Variants in SLIT3 observed in about 807,000 individuals in gnomAD.
The protein encoded by SLIT3 is slit guidance ligand 3, also known as slit homolog 3 protein.
SLIT3 carries 68 observed loss-of-function variants against 184.0 expected under a neutral mutation model. That is an observed-to-expected ratio of 0.37 (90% CI 0.30 to 0.45). The LOEUF (loss-of-function observed/expected upper bound fraction) is 0.45, where lower values mean the gene tolerates loss of function less well. Ranked by LOEUF, SLIT3 falls within the 20% of genes least tolerant of loss-of-function variation. The probability of loss-of-function intolerance (pLI) is 1.00; values close to 1 mark genes in which losing one functional copy is unlikely to be tolerated. For missense variants in SLIT3, 1,707 were observed against 2,026.0 expected, an observed-to-expected ratio of 0.84 and a Z score of 3.02; for synonymous variants, 831 against 828.6, an observed-to-expected ratio of 1.00 and a Z score of -0.05.
At chr5:169,246,349 T>C (rs1347705323) in intron 2 of SLIT3, among the ~76,000 whole-genome samples, 1 of 152,180 alleles carries the variant, frequency 6.6e-6, no homozygotes, top group Non-Finnish European at 1.5e-5. Flanking sequence ...GCTAAAAGAC[T>C]TGCTCGAGGA....
At chr5:168,680,637 A>C (rs1312113363) in intron 32 of SLIT3, among the ~76,000 whole-genome samples, 1 of 152,022 alleles carries the variant, frequency 6.6e-6, no homozygotes, top group Non-Finnish European at 1.5e-5. Flanking sequence ...AGGAGATCTC[A>C]TTTTTTGTGG....
At position 168,724,432 on chromosome 5, in the gene SLIT3, G is replaced by A. The variant is rs767878241; in HGVS notation, c.2323C>T (p.Arg775Ter). Residue 775 changes from arginine to a stop codon, truncating the protein, a stop_gained, in exon 21 of 36, where the codon CGA becomes TGA. Transcript: ENST00000519560. LOFTEE classifies it high-confidence loss of function. The part of the protein sequence containing the change: ...TAVPRELSAL[R>*]HLTLIDLSNN... Reference sequence around the variant, plus strand: ...GCTCCTTACATAAGCGTCAGGTGTCGGAGGGCGGACAGCTCTCTGGGCACG... The same window carrying A: ...GCTCCTTACATAAGCGTCAGGTGTCAGAGGGCGGACAGCTCTCTGGGCACG... 7 of 1,612,666 alleles carry A rather than the reference G, an allele frequency of 4.3e-6. No individual in the cohort carries two copies. The highest frequency in any genetic ancestry group is 1.7e-5 in the Admixed American group (1 of 59,986).
intron 4 of SLIT3, among the ~76,000 whole-genome samples, chr5:168,963,692 A>G (rs1423929564): frequency 6.6e-6 from 1 of 152,244 alleles, no homozygotes; most frequent in Non-Finnish European, 1.5e-5. Flanking sequence ...AGTCTGGACC[A>G]TCATAGGCGT....
intron 6 of SLIT3, among the ~76,000 whole-genome samples, chr5:168,829,454 C>T (rs1186725611): frequency 6.6e-6 from 1 of 152,232 alleles, no homozygotes; most frequent in African/African-American, 2.4e-5. Context: ...AAGAGATCCT[C>T]TTGGTGGGCT....
chr5:168,870,239 C>A (rs567924452), intron 5 of SLIT3, among the ~76,000 whole-genome samples: 1 of 152,344 alleles, frequency 6.6e-6, no homozygotes, highest in South Asian at 2.1e-4. Context: ...TCTAATAATT[C>A]TCTTTCCAGA....
At chr5:168,917,327 AC>A (rs1173226758) in intron 4 of SLIT3, among the ~76,000 whole-genome samples, 1 of 151,994 alleles carries the variant, frequency 6.6e-6, no homozygotes, top group Non-Finnish European at 1.5e-5. Context: ...ACGGCTCTGA[AC>A]CCTTCCTGCT....
intron 1 of SLIT3, among the ~76,000 whole-genome samples, chr5:169,258,102 C>T (rs956288274): frequency 1.3e-5 from 2 of 152,106 alleles, no homozygotes; most frequent in African/African-American, 4.8e-5. Flanking sequence ...CATCCCCACC[C>T]TAAGCTTAGA....
intron 4 of SLIT3, among the ~76,000 whole-genome samples, chr5:169,074,638 A>G (rs1037099595): frequency 2.6e-5 from 4 of 152,156 alleles, no homozygotes; most frequent in Non-Finnish European, 5.9e-5. Flanking sequence ...GCTGCCTCCT[A>G]AGATGCAGAC....
rs1269182909 is a variant in SLIT3, at chr5:168,724,496, G to A, written c.2271-12C>T. ...TTCCTTCCAGGTACCTGAAAGAGGTGTGGAGAGACAACACCTGAGAAAGAG... is the reference window on the plus strand; with the variant it reads ...TTCCTTCCAGGTACCTGAAAGAGGTATGGAGAGACAACACCTGAGAAAGAG... On this transcript the variant is annotated splice_polypyrimidine_tract_variant and intron_variant, in intron 20 of 35. Coordinates refer to ENST00000519560, the MANE Select transcript of SLIT3 (RefSeq NM_003062.4). 2 of 1,610,736 alleles carry A rather than the reference G, an allele frequency of 1.2e-6. No homozygotes were observed. Among genetic ancestry groups the A allele is most frequent in the Non-Finnish European group, 1.7e-6 (2 of 1,177,752 alleles).
chr5:169,167,838 T>C (rs1401953056), intron 4 of SLIT3, among the ~76,000 whole-genome samples: 1 of 152,140 alleles, frequency 6.6e-6, no homozygotes, highest in Non-Finnish European at 1.5e-5. Flanking sequence ...CACTACCTAG[T>C]CCCCAGTCTG....
intron 4 of SLIT3, among the ~76,000 whole-genome samples, chr5:169,015,605 T>G (rs1756332648): frequency 6.6e-6 from 1 of 152,152 alleles, no homozygotes; most frequent in Non-Finnish European, 1.5e-5. Context: ...TCTAAGGATC[T>G]CCCCGGTTTC....
intron 4 of SLIT3, among the ~76,000 whole-genome samples, chr5:169,130,976 C>A (rs148813233): frequency 4.8e-4 from 73 of 152,162 alleles, no homozygotes; most frequent in African/African-American, 1.7e-3. Context: ...GAAAAAAAAT[C>A]AAGAAACATG....
intron 5 of SLIT3, among the ~76,000 whole-genome samples, chr5:168,874,524 A>G (rs1759660588): frequency 6.6e-6 from 1 of 152,206 alleles, no homozygotes; most frequent in Non-Finnish European, 1.5e-5. Context: ...CTATAGGAGG[A>G]GGAGGACAGC....
intron 3 of SLIT3, among the ~76,000 whole-genome samples, chr5:169,194,233 C>CAAAAAAAAAAAA (rs10571842): frequency 3.3e-5 from 2 of 61,382 alleles, no homozygotes; most frequent in Non-Finnish European, 5.4e-5. Context: ...GACTCTGTCT[C>CAAAAAAAAAAAA]AAAAAAAAAA....
chr5:168,762,818 C>A, intron 14 of SLIT3, 129 bp from the exon 15 acceptor site: 1 of 910,236 alleles, frequency 1.1e-6, no homozygotes, highest in African/African-American at 1.6e-5. Flanking sequence ...AAGTAACAGA[C>A]ACGGCATCGC....
chr5:169,097,679 C>T (rs1759839837), intron 4 of SLIT3, among the ~76,000 whole-genome samples: 2 of 152,290 alleles, frequency 1.3e-5, no homozygotes, highest in East Asian at 1.9e-4. Flanking sequence ...CCAGAGGGGG[C>T]TGTTGGAGGA....
chr5:169,022,421 G>C (rs558860962), intron 4 of SLIT3, among the ~76,000 whole-genome samples: 1 of 152,362 alleles, frequency 6.6e-6, no homozygotes, highest in Admixed American at 6.5e-5. Context: ...AAAGGAGGCA[G>C]AGGGATTATT....
rs1582529396 is a variant in SLIT3, at chr5:168,687,046, A to G, written c.3247T>C (p.Cys1083Arg). The part of the protein sequence containing the change: ...TDNDDCVAHK[C>R]RHGAQCVDTI... The stretch of plus-strand genomic sequence containing the variant: ...TCCACGCACTGGGCCCCGTGGCGGC[A>G]CTTGTGGGCCACACAGTCATCATTG... The change falls in exon 30 of 36, where the codon TGC becomes CGC. Residue 1083 changes from cysteine (C) to arginine (R), a missense_variant. Coordinates refer to ENST00000519560, the MANE Select transcript of SLIT3 (RefSeq NM_003062.4). The G allele has an allele frequency of 6.2e-7, 1 of 1,614,250 alleles. No homozygotes were observed. Among genetic ancestry groups the G allele is most frequent in the Non-Finnish European group, 8.5e-7 (1 of 1,180,038 alleles).
At chr5:168,674,774 G>A (rs1306925048) in intron 32 of SLIT3, among the ~76,000 whole-genome samples, 1 of 152,108 alleles carries the variant, frequency 6.6e-6, no homozygotes, top group Non-Finnish European at 1.5e-5. Flanking sequence ...TTACAGGCAT[G>A]AACCACCGTG....
Sources: gnomAD v4.1 joint callset for allele counts (sites outside exome capture counted in the v4.1 genomes callset) on GRCh38, gnomAD v4.1.1 for gene constraint, MANE v1.5 for transcripts, NCBI Gene and HGNC (gene_info 2026-07-23, HGNC 2026-07-21) for gene names.